Variants in ARHGAP10 observed in about 807,000 individuals in gnomAD.
ARHGAP10 encodes rho GTPase-activating protein 10.
A neutral mutation model predicts 108.6 loss-of-function variants in ARHGAP10; 87 were observed. The observed-to-expected ratio is 0.80, with a 90% confidence interval of 0.67 to 0.96. The LOEUF (loss-of-function observed/expected upper bound fraction) is 0.96. Ranked by LOEUF, ARHGAP10 falls within the 40% of genes least tolerant of loss-of-function variation. The pLI is 0.00. For synonymous variants in ARHGAP10, 347 were observed against 341.1 expected (o/e 1.02, Z -0.19); for missense variants, 939 against 954.5 (o/e 0.98, Z 0.21).
At chr4:147,764,574 C>G (rs953920988) in intron 1 of ARHGAP10, among the ~76,000 whole-genome samples, 1 of 152,052 alleles carries the variant, frequency 6.6e-6, no homozygotes, top group Non-Finnish European at 1.5e-5. Flanking sequence ...CACTCTGTTG[C>G]CAAGGGTGGA....
At chr4:147,876,747 C>T (rs1735080665) in intron 8 of ARHGAP10, among the ~76,000 whole-genome samples, 2 of 152,178 alleles carry the variant, frequency 1.3e-5, no homozygotes, top group Admixed American at 1.3e-4. Flanking sequence ...ACTGAAACAA[C>T]ATAACAGTAG....
intron 1 of ARHGAP10, among the ~76,000 whole-genome samples, chr4:147,807,976 A>G (rs1731856374): frequency 2.6e-5 from 4 of 152,218 alleles, no homozygotes; most frequent in Admixed American, 2.0e-4. Context: ...ATCAGTAATA[A>G]AAAGGTAACG....
chr4:147,834,448 G>A (rs1422817623), intron 3 of ARHGAP10, among the ~76,000 whole-genome samples: 1 of 152,096 alleles, frequency 6.6e-6, no homozygotes, highest in Non-Finnish European at 1.5e-5. Context: ...TAGAGTCTGG[G>A]TGATAGAGTG....
chr4:148,057,450 A>G (rs1235953503), intron 20 of ARHGAP10, among the ~76,000 whole-genome samples: 2 of 152,190 alleles, frequency 1.3e-5, no homozygotes, highest in African/African-American at 4.8e-5. Context: ...CATGACCTTG[A>G]GTAAGTTGCT....
At chr4:147,973,077 A>T (rs17024236) in intron 18 of ARHGAP10, among the ~76,000 whole-genome samples, 7,215 of 152,192 alleles carry the variant, frequency 0.047, 538 homozygotes, top group African/African-American at 0.16. Context: ...TTCTGTTGAG[A>T]GCCAGAGTGT....
intron 18 of ARHGAP10, among the ~76,000 whole-genome samples, chr4:148,014,315 T>C (rs1741272541): frequency 6.6e-6 from 1 of 152,164 alleles, no homozygotes; most frequent in African/African-American, 2.4e-5. Flanking sequence ...AAGTGTATTC[T>C]TCTGACTTCA....
intron 1 of ARHGAP10, chr4:147,782,717 A>G (rs1260095479): frequency 2.0e-5 from 3 of 152,176 alleles, no homozygotes; most frequent in African/African-American, 7.3e-5. Context: ...GAGGGGTCAG[A>G]CCAGTTTGCA....
intron 21 of ARHGAP10, 142 bp downstream of exon 21, chr4:148,063,442 C>A: frequency 8.6e-7 from 1 of 1,162,604 alleles, no homozygotes; most frequent in Non-Finnish European, 1.2e-6. Flanking sequence ...ACAGCACTTA[C>A]CACCTTGTAT....
Position 147,732,229 on chromosome 4 carries a change from C to G in ARHGAP10, c.-73C>G. Reference sequence around the variant, plus strand: ...GCTCCCTGAACGCGCGGCGCCGCACCTGGCAGCGGCCTCGGAGCTCGGCTC... The same window carrying G: ...GCTCCCTGAACGCGCGGCGCCGCACGTGGCAGCGGCCTCGGAGCTCGGCTC... On this transcript the variant is annotated 5_prime_UTR_variant, in exon 1 of 23. Coordinates refer to ENST00000336498, the MANE Select transcript of ARHGAP10 (RefSeq NM_024605.4). 1 of 1,414,848 alleles carries G rather than the reference C, an allele frequency of 7.1e-7. No homozygotes were observed. Among genetic ancestry groups the G allele is most frequent in the Non-Finnish European group, 9.2e-7 (1 of 1,088,402 alleles). 87.6% of individuals were successfully genotyped at this position (1,414,848 alleles called of 1,614,324 possible).
intron 14 of ARHGAP10, 114 bp downstream of exon 14, chr4:147,940,013 T>A (rs1738113086): frequency 9.7e-7 from 1 of 1,027,930 alleles, no homozygotes; most frequent in South Asian, 1.6e-5. Flanking sequence ...TCCTCTACTT[T>A]CTACAGGAGT....
In ARHGAP10 at chr4:147,847,163, A is replaced by G. The variant is rs1350472814; in HGVS notation, c.325A>G (p.Thr109Ala). The stretch of plus-strand genomic sequence containing the variant: ...TCTTGTTCTCTAGGCATTAAGTGTA[A>G]CTGAAACCCTGATTAAACCCTTGGA... ...EQREIMALSV[T>A]ETLIKPLEKF... The change falls in exon 4 of 23, where the codon ACT (threonine) becomes GCT (alanine). Residue 109 changes from threonine (T) to alanine (A), a missense_variant. Physicochemically the swap from Thr to Ala is moderately conservative, Grantham distance 58. Coordinates refer to ENST00000336498, the MANE Select transcript of ARHGAP10 (RefSeq NM_024605.4). 1 of 1,613,244 alleles carries G rather than the reference A, an allele frequency of 6.2e-7. No individual in the cohort carries two copies. Among genetic ancestry groups the G allele is most frequent in the Non-Finnish European group, 8.5e-7 (1 of 1,179,338 alleles).
At chr4:147,997,298 A>G (rs1256034292) in intron 18 of ARHGAP10, among the ~76,000 whole-genome samples, 1 of 152,244 alleles carries the variant, frequency 6.6e-6, no homozygotes, top group Non-Finnish European at 1.5e-5. Context: ...GGAAGAAATA[A>G]CTGATCTAAG....
chr4:147,757,774 A>G (rs924781), intron 1 of ARHGAP10, among the ~76,000 whole-genome samples: 152,064 of 152,338 alleles, frequency 1, 75,896 homozygotes, highest in East Asian at 1. Context: ...GCTAATTACC[A>G]TTGTCCTTGT....
intron 18 of ARHGAP10, among the ~76,000 whole-genome samples, chr4:148,014,955 G>T (rs2149657355): frequency 6.6e-6 from 1 of 152,314 alleles, no homozygotes; most frequent in South Asian, 2.1e-4. Context: ...AACCTAAGTT[G>T]AAGTTGTTTT....
intron 20 of ARHGAP10, among the ~76,000 whole-genome samples, chr4:148,058,676 C>T (rs1372523811): frequency 6.6e-6 from 1 of 152,182 alleles, no homozygotes; most frequent in Non-Finnish European, 1.5e-5. Context: ...GTACTGGAGG[C>T]GACTGGATCA....
intron 1 of ARHGAP10, among the ~76,000 whole-genome samples, chr4:147,750,337 G>T (rs996340020): frequency 7.9e-5 from 12 of 152,096 alleles, no homozygotes; most frequent in African/African-American, 2.9e-4. Flanking sequence ...TGACTGTGGC[G>T]TCAGTTTAAT....
intron 6 of ARHGAP10, chr4:147,865,484 A>G (rs1404215216): frequency 6.5e-6 from 1 of 152,758 alleles, no homozygotes; most frequent in East Asian, 1.9e-4. Context: ...GTGATTATAT[A>G]GATGTTTTCT....
At chr4:148,023,545 A>AT in intron 19 of ARHGAP10, 132 bp downstream of exon 19, 1 of 1,086,130 alleles carries the variant, frequency 9.2e-7, no homozygotes, top group Non-Finnish European at 1.2e-6. Context: ...TAATTTTGAG[A>AT]TTTACAGGGA....
chr4:147,867,926 CTTTT>C (rs57058691), intron 7 of ARHGAP10, among the ~76,000 whole-genome samples: 5 of 135,596 alleles, frequency 3.7e-5, no homozygotes, highest in Middle Eastern at 3.7e-3. Flanking sequence ...TTGTTTCTAA[CTTTT>C]TTTTTTTTTT....
Sources: allele counts gnomAD v4.1 joint callset (sites outside exome capture counted in the v4.1 genomes callset), GRCh38; gene constraint gnomAD v4.1.1; transcripts MANE v1.5; gene names NCBI Gene and HGNC (gene_info 2026-07-23, HGNC 2026-07-21).